RTL1: variants seen among roughly 807,000 people sequenced by gnomAD.
The protein encoded by RTL1 is retrotransposon-like protein 1.
For synonymous variants in RTL1, 727 were observed against 748.4 expected, an observed-to-expected ratio of 0.97 and a Z score of 0.47; for missense variants, 1,681 against 1,767.5, an observed-to-expected ratio of 0.95 and a Z score of 0.88.
At chr14:100,899,628 G>T (rs1457252280) in intron 2 of RTL1, among the ~76,000 whole-genome samples, 1 of 150,962 alleles carries the variant, frequency 6.6e-6, no homozygotes, top group Non-Finnish European at 1.5e-5. Context: ...GCCACCCTGA[G>T]CACAGACCCA....
rs2038585274 is a variant in RTL1 at position 100,880,124 on chromosome 14, T to TGGTG, written c.*584_*587dup. ...GGGGTCAAAAAAGCTGAAGCAGATGTGGTGGGGGTGGGGGTGGGTTTGCTT... is the reference window on the plus strand; with the variant it reads ...GGGGTCAAAAAAGCTGAAGCAGATGTGGTGGGTGGGGGTGGGGGTGGGTTTGCTT... On this transcript the variant is annotated 3_prime_UTR_variant, in exon 4 of 4. Transcript: ENST00000649591. 4.0e-5 allele frequency among the ~76,000 whole-genome samples: 1 copy of TGGTG among 25,116 alleles called. No homozygotes were observed. Among genetic ancestry groups the TGGTG allele is most frequent in the Admixed American group, 5.4e-4 (1 of 1,842 alleles). 16.5% of individuals were successfully genotyped at this position (25,116 alleles called of 152,430 possible). A position where few individuals can be genotyped will look rare whatever the true frequency, so the allele number is the denominator to read the frequency against.
intron 2 of RTL1, among the ~76,000 whole-genome samples, chr14:100,902,608 T>TAG (rs910967363): frequency 6.6e-6 from 1 of 151,680 alleles, no homozygotes; most frequent in Non-Finnish European, 1.5e-5. Flanking sequence ...AGCCCTGCAG[T>TAG]AGCAGCAGCA....
chr14:100,883,348 A>G lies in RTL1; in HGVS notation c.1441T>C (p.Cys481Arg). ...GACTCCTGGTGGTTCTGGTGGATAC[A>G]CACCAGGGGCTCCGTGTAGAGCCAG... is the stretch of plus-strand genomic sequence containing the variant. ...PVWLYTEPLV[C>R]IHQNHQESIE... Residue 481 changes from cysteine (C) to arginine (R), a missense_variant, in exon 4 of 4, where the codon TGT (cysteine) becomes CGT (arginine). Coordinates refer to ENST00000649591, the MANE Select transcript of RTL1 (RefSeq NM_001134888.3). The surrounding 1 kb of genome is among the most constrained non-coding windows in gnomAD (Gnocchi z 5.9). 6.4e-7 allele frequency: 1 copy of G among 1,551,378 alleles called. No homozygotes were observed. Among genetic ancestry groups the G allele is most frequent in the Non-Finnish European group, 8.7e-7 (1 of 1,146,842 alleles).
rs1261234874 is a variant in RTL1, at chr14:100,884,006, G to C, written c.783C>G (p.Ser261Arg). ...EWAKALLQEN[S>R]PLIGDFPAFL... is the part of the protein sequence containing the mutation. ...AGGCTGGGAAGTCTCCGATCAGGGG[G>C]CTGTTTTCCTGCAGTAGAGCTTTGG... Residue 261 changes from serine (S) to arginine (R), a missense_variant, in exon 4 of 4, where the codon AGC (serine) becomes AGG (arginine). By Grantham distance (110) the Ser-to-Arg change is moderately radical. Transcript: ENST00000649591. The C allele has an allele frequency of 3.9e-6, 6 of 1,551,712 alleles. No homozygotes were observed. The highest frequency in any genetic ancestry group is 5.2e-6 in the Non-Finnish European group (6 of 1,147,004).
At chr14:100,890,325 G>A (rs1044899114) in intron 3 of RTL1, among the ~76,000 whole-genome samples, 1 of 151,568 alleles carries the variant, frequency 6.6e-6, no homozygotes, top group East Asian at 1.9e-4. Context: ...CCATGGGGGG[G>A]ACAAATCCCT....
In RTL1 at chr14:100,884,374, T is replaced by C. The variant is rs190538313; in HGVS notation, c.415A>G (p.Thr139Ala). ...SGAREEQEAH[T>A]DLKESGREET... is the part of the protein sequence containing the mutation. ...TCCCTTCCCGATTCCTTCAGGTCAG[T>C]GTGAGCCTCTTGTTCTTCTCGGGCT... The change falls in exon 4 of 4, where the codon ACT becomes GCT. Residue 139 changes from threonine to alanine, a missense_variant. Thr to Ala is a moderately conservative substitution (Grantham distance 58). Transcript: ENST00000649591. The C allele has an allele frequency of 8.6e-5, 135 of 1,574,066 alleles. 1 individual carries two copies. In the African/African-American group the frequency reaches 1.6e-3, roughly 19 times the overall value.
intron 3 of RTL1, among the ~76,000 whole-genome samples, chr14:100,889,178 G>T (rs1379924753): frequency 6.6e-6 from 1 of 152,086 alleles, no homozygotes; most frequent in African/African-American, 2.4e-5. Flanking sequence ...TTTCTTCCCA[G>T]GAAACTCAAA....
At chr14:100,889,398 A>G (rs1436780458) in intron 3 of RTL1, among the ~76,000 whole-genome samples, 1 of 152,202 alleles carries the variant, frequency 6.6e-6, no homozygotes, top group East Asian at 1.9e-4. Context: ...GCTCTTCTCT[A>G]CTTAAACTAT....
chr14:100,897,782 G>GGGGGGGGGGGGGGGGGGGGGGGGGGGGGA (rs2038887536), intron 2 of RTL1: 1 of 168,952 alleles, frequency 5.9e-6, no homozygotes, highest in African/African-American at 3.1e-5. Flanking sequence ...GGGGGGCGGG[G>GGGGGGGGGGGGGGGGGGGGGGGGGGGGGA]GGGGGCAGTG....
intron 3 of RTL1, among the ~76,000 whole-genome samples, chr14:100,887,645 TTCTCC>T (rs386780775): frequency 0.28 from 42,260 of 151,916 alleles, 6,978 homozygotes; most frequent in Middle Eastern, 0.43. Flanking sequence ...TCCTAGCTAC[TTCTCC>T]TAGGCTGAGG....
Position 100,884,501 on chromosome 14 carries a change from G to C in RTL1, c.288C>G (p.Leu96=). The part of the protein sequence containing the change: ...KEIEDPPNDL[L]QDLEESCNGS... Reference sequence around the variant, plus strand: ...CGTTGCATGACTCCTCCAGGTCTTGGAGTAGGTCATTGGGTGGATCCTCTA... The same window carrying C: ...CGTTGCATGACTCCTCCAGGTCTTGCAGTAGGTCATTGGGTGGATCCTCTA... Residue 96 remains leucine, a synonymous_variant, in exon 4 of 4, where the codon CTC becomes CTG. Transcript: ENST00000649591. 1.2e-6 allele frequency: 2 copies of C among 1,614,198 alleles called. No homozygotes were observed. The highest frequency in any genetic ancestry group is 1.7e-6 in the Non-Finnish European group (2 of 1,180,032).
At position 100,880,873 on chromosome 14, in the gene RTL1, G is replaced by A; in HGVS notation, c.3916C>T (p.Leu1306=). 1 of 1,549,922 alleles carries A rather than the reference G, an allele frequency of 6.5e-7. No individual in the cohort carries two copies. The highest frequency in any genetic ancestry group is 8.7e-7 in the Non-Finnish European group (1 of 1,146,822). The change falls in exon 4 of 4, where the codon CTG becomes TTG. Residue 1306 remains leucine, a synonymous_variant. Transcript: ENST00000649591. The part of the protein sequence containing the change: ...LLHIHSADGQ[L]HLLSREQAAR... ...GCCTGCTCCCGGCTGAGCAGGTGCA[G>A]CTGGCCATCTGCACTGTGGATGTGG... is the stretch of plus-strand genomic sequence containing the variant.
At chr14:100,894,059 C>T (rs2038819600) in intron 2 of RTL1, among the ~76,000 whole-genome samples, 1 of 152,168 alleles carries the variant, frequency 6.6e-6, no homozygotes, top group African/African-American at 2.4e-5. Context: ...ACCTGTAATG[C>T]AGCTCGTTGG....
At position 100,893,352 on chromosome 14, in the gene RTL1, T is replaced by C. The variant is rs1566758965; in HGVS notation, c.-87+92A>G. 6.6e-6 allele frequency among the ~76,000 whole-genome samples: 1 copy of C among 152,088 alleles called. No individual in the cohort carries two copies. Among genetic ancestry groups the C allele is most frequent in the Non-Finnish European group, 1.5e-5 (1 of 68,028 alleles). On this transcript the variant is annotated intron_variant, in intron 3 of 3. Coordinates refer to ENST00000649591, the MANE Select transcript of RTL1 (RefSeq NM_001134888.3). The surrounding 1 kb of genome is among the most constrained non-coding windows in gnomAD (Gnocchi z 4.2). ...TGAACACTTTAACCCTTGTCCTGAGTGCCAGGCCATCCCATTCACTGCCCC... is the reference window on the plus strand; with the variant it reads ...TGAACACTTTAACCCTTGTCCTGAGCGCCAGGCCATCCCATTCACTGCCCC...
intron 3 of RTL1, among the ~76,000 whole-genome samples, chr14:100,885,232 C>A (rs1310662223): frequency 6.6e-6 from 1 of 152,236 alleles, no homozygotes; most frequent in African/African-American, 2.4e-5. Context: ...CTGGCACATG[C>A]ACCTGGTCAA....
Position 100,883,569 on chromosome 14 carries a change from G to A in RTL1, c.1220C>T (p.Ala407Val). 6.4e-7 allele frequency: 1 copy of A among 1,551,502 alleles called. No individual in the cohort carries two copies. ...CACCATGAGCAGCAGGAAGAGGTGG[G>A]CGCGATTGATGTCCGGATGGACTTC... ...PSEVHPDINRAHLFLLLMVRV... is the reference protein window; with the variant it reads ...PSEVHPDINRVHLFLLLMVRV... The change falls in exon 4 of 4, where the codon GCC becomes GTC. Residue 407 changes from alanine (A) to valine (V), a missense_variant. Ala to Val is a moderately conservative substitution (Grantham distance 64, BLOSUM62 0). Transcript: ENST00000649591. The surrounding 1 kb of genome is among the most constrained non-coding windows in gnomAD (Gnocchi z 5.9).
intron 3 of RTL1, among the ~76,000 whole-genome samples, chr14:100,887,234 C>A (rs1253039402): frequency 6.6e-6 from 1 of 152,160 alleles, no homozygotes; most frequent in Non-Finnish European, 1.5e-5. Context: ...AACCTCTTCG[C>A]ATGATATAAA....
chr14:100,884,737 G>T lies in RTL1; in HGVS notation c.52C>A (p.Pro18Thr), dbSNP rs1386524981. 6.2e-7 allele frequency: 1 copy of T among 1,606,612 alleles called. No homozygotes were observed. Among genetic ancestry groups the T allele is most frequent in the Non-Finnish European group, 8.5e-7 (1 of 1,177,550 alleles). ...SFETMMEHKN[P>T]SSKQMESSEG... ...GAGGACTCCATTTGTTTTGATGATG[G>T]ATTCTTATGCTCCATCATCGTCTCA... The change falls in exon 4 of 4, where the codon CCA becomes ACA. Residue 18 changes from proline to threonine, a missense_variant. Transcript: ENST00000649591.
At position 100,882,474 on chromosome 14, in the gene RTL1, C is replaced by T. The variant is rs1214396936; in HGVS notation, c.2315G>A (p.Arg772His). The T allele has an allele frequency of 5.2e-6, 8 of 1,552,050 alleles. No individual in the cohort carries two copies. Among genetic ancestry groups the T allele is most frequent in the African/African-American group, 1.4e-5 (1 of 73,146 alleles). Reference protein sequence around the residue: ...YCSLDKSQFHRQTVEFLGFVV... With the variant: ...YCSLDKSQFHHQTVEFLGFVV... ...GAAGCCCAGGAATTCCACGGTTTGG[C>T]GGTGGAACTGGCTCTTGTCCAGGGA... The change falls in exon 4 of 4, where the codon CGC becomes CAC. Residue 772 changes from arginine to histidine, a missense_variant. By Grantham distance (29) the Arg-to-His change is conservative. Coordinates refer to ENST00000649591, the MANE Select transcript of RTL1 (RefSeq NM_001134888.3).
Sources: allele counts gnomAD v4.1 joint callset (sites outside exome capture counted in the v4.1 genomes callset), GRCh38; gene constraint gnomAD v4.1.1; non-coding constraint Gnocchi (gnomAD v3.1); transcripts MANE v1.5; gene names NCBI Gene and HGNC (gene_info 2026-07-23, HGNC 2026-07-21).